Variants in ZNF234 observed in about 807,000 individuals in gnomAD.
ZNF234 encodes the protein zinc finger protein 234.
A neutral mutation model predicts 10.3 loss-of-function variants in ZNF234; 4 were observed. The observed-to-expected ratio is 0.39, with a 90% CI of 0.19 to 0.89. The LOEUF is 0.89. ZNF234 is among the 40% of genes least tolerant of loss of function. The pLI is 0.38. For synonymous variants in ZNF234, 258 were observed against 280.1 expected, an observed-to-expected ratio of 0.92 and a Z score of 0.79; for missense variants, 711 against 836.1, an observed-to-expected ratio of 0.85 and a Z score of 1.85.
At chr19:44,153,165 CATATATATATATATATAT>C (rs10528022) in intron 5 of ZNF234, among the ~76,000 whole-genome samples, 4 of 97,890 alleles carry the variant, frequency 4.1e-5, no homozygotes, top group Non-Finnish European at 7.9e-5. Flanking sequence ...ATGTATTCAT[CATATATATATATATATAT>C]ATATATATGC....
Position 44,158,119 on chromosome 19 carries a change from ATT to A in ZNF234, c.*1_*2del. On this transcript the variant is annotated 3_prime_UTR_variant, in exon 6 of 6. Transcript: ENST00000426739. ...CAGAGGGAGGAAGTTCTACAAGGTG[ATT>A]AAAAAAAAAAAAACAGAACTCATGT... is the stretch of plus-strand genomic sequence containing the variant. The A allele has an allele frequency of 6.8e-7, 1 of 1,480,496 alleles. No homozygotes were observed. Among genetic ancestry groups the A allele is most frequent in the African/African-American group, 2.6e-5 (1 of 38,852 alleles). 91.7% of individuals were successfully genotyped at this position (1,480,496 alleles called of 1,614,324 possible). A position where few individuals can be genotyped will look rare whatever the true frequency, so the allele number is the denominator to read the frequency against.
chr19:44,143,869 G>T (rs1411445582), intron 2 of ZNF234, among the ~76,000 whole-genome samples: 1 of 152,042 alleles, frequency 6.6e-6, no homozygotes, highest in African/African-American at 2.4e-5. Flanking sequence ...TTGTTAGTGG[G>T]CAACATACTG....
chr19:44,157,283 A>C lies in ZNF234; in HGVS notation c.1267A>C (p.Thr423Pro). Residue 423 changes from threonine (T) to proline (P), a missense_variant, in exon 6 of 6, where the codon ACA becomes CCA. Thr to Pro is a conservative substitution (Grantham distance 38). Transcript: ENST00000426739. ...IHYQVHLVVH[T>P]GEKPYKCEVC... ...TTATCAAGTGCATCTGGTAGTCCAC[A>C]CAGGGGAAAAACCCTATAAATGTGA... The C allele has an allele frequency of 6.2e-7, 1 of 1,614,128 alleles. No individual in the cohort carries two copies. Among genetic ancestry groups the C allele is most frequent in the Non-Finnish European group, 8.5e-7 (1 of 1,179,966 alleles).
rs1305868001 is a variant in ZNF234, at chr19:44,157,570, G to C, written c.1554G>C (p.Gly518=). Residue 518 remains glycine (G), a synonymous_variant, in exon 6 of 6, where the codon GGG becomes GGC. Transcript: ENST00000426739. ...AACCATATAATTGTGAGGAGTGTGG[G>C]AAGGTCTTCAGTCAGGCCTCGCATC... ...GEKPYNCEEC[G]KVFSQASHLL... is the part of the protein sequence containing the mutation. 2 of 1,613,748 alleles carry C rather than the reference G, an allele frequency of 1.2e-6. No homozygotes were observed. The highest frequency in any genetic ancestry group is 3.3e-5 in the Admixed American group (2 of 59,970).
Position 44,152,676 on chromosome 19 carries a change from T to C in ZNF234, c.235+2171T>C, listed in dbSNP as rs566180225. Reference sequence around the variant, plus strand: ...ATTTTTGAATGAAGATTCTGATGTCTACTTCTGAGATAGCTCCCCCCACAA... The same window carrying C: ...ATTTTTGAATGAAGATTCTGATGTCCACTTCTGAGATAGCTCCCCCCACAA... On this transcript the variant is annotated intron_variant, in intron 5 of 5. Transcript: ENST00000426739. 1.1e-3 allele frequency among the ~76,000 whole-genome samples: 167 copies of C among 152,312 alleles called. 1 individual carries two copies. Among genetic ancestry groups the C allele is most frequent in the Admixed American group, 1.6e-3 (25 of 15,298 alleles).
intron 3 of ZNF234, among the ~76,000 whole-genome samples, chr19:44,145,313 TTA>T (rs1490039148): frequency 4.6e-5 from 7 of 152,242 alleles, no homozygotes; most frequent in Admixed American, 3.9e-4. Flanking sequence ...ACCCATTTAA[TTA>T]ATGTGCCTTT....
intron 2 of ZNF234, among the ~76,000 whole-genome samples, chr19:44,143,959 C>T (rs914398682): frequency 1.3e-4 from 20 of 152,274 alleles, no homozygotes; most frequent in Non-Finnish European, 1.0e-4. Flanking sequence ...GGACTCAGAA[C>T]GCAGTCTTGT....
At chr19:44,151,031 TAAA>T (rs56994246) in intron 5 of ZNF234, among the ~76,000 whole-genome samples, 44,383 of 145,330 alleles carry the variant, frequency 0.31, 6,609 homozygotes, top group East Asian at 0.42. Flanking sequence ...CACTCCATCT[TAAA>T]AAAAAAAAAA....
At chr19:44,149,039 A>G (rs1968670308) in intron 4 of ZNF234, 142 bp downstream of exon 4, 1 of 1,004,984 alleles carries the variant, frequency 1.0e-6, no homozygotes, top group Non-Finnish European at 1.4e-6. Flanking sequence ...TTAGTGAAAT[A>G]AAATGAGATA....
intron 2 of ZNF234, among the ~76,000 whole-genome samples, chr19:44,142,662 G>T (rs946460809): frequency 3.9e-5 from 6 of 152,146 alleles, no homozygotes; most frequent in African/African-American, 1.4e-4. Context: ...GGTGGGGAAA[G>T]TAAGTTAGAA....
Position 44,157,228 on chromosome 19 carries a change from G to T in ZNF234, c.1212G>T (p.Glu404Asp). ...GAGAGAAGCCATACAAATGCAATGA[G>T]TGTGGGAAGAGCTTCAGAATGAAAA... The part of the protein sequence containing the change: ...HTGEKPYKCN[E>D]CGKSFRMKIH... Residue 404 changes from glutamate (E) to aspartate (D), a missense_variant, in exon 6 of 6, where the codon GAG becomes GAT. Glu to Asp is a conservative substitution (Grantham distance 45, BLOSUM62 2). Transcript: ENST00000426739. The T allele has an allele frequency of 6.2e-7, 1 of 1,614,198 alleles. No individual in the cohort carries two copies. Among genetic ancestry groups the T allele is most frequent in the East Asian group, 2.2e-5 (1 of 44,880 alleles).
intron 2 of ZNF234, 25 bp from the exon 3 acceptor site, chr19:44,144,532 A>AT: frequency 8.9e-7 from 1 of 1,122,270 alleles, no homozygotes; most frequent in Admixed American, 2.7e-5. Flanking sequence ...CCACGCTTTC[A>AT]TGTCTCTTTT....
chr19:44,156,091 A>G (rs1487391260), intron 5 of ZNF234, among the ~76,000 whole-genome samples, 161 bp from the exon 6 acceptor site: 1 of 152,162 alleles, frequency 6.6e-6, no homozygotes, highest in African/African-American at 2.4e-5. Context: ...CTCTTGATTT[A>G]TCTAGGCATG....
intron 5 of ZNF234, among the ~76,000 whole-genome samples, chr19:44,152,616 A>C (rs144045227): frequency 6.6e-6 from 1 of 152,294 alleles, no homozygotes; most frequent in African/African-American, 2.4e-5. Flanking sequence ...GGAGGCTTCC[A>C]TCATATGGAA....
chr19:44,147,515 G>C (rs990984320), intron 3 of ZNF234, among the ~76,000 whole-genome samples: 1 of 152,118 alleles, frequency 6.6e-6, no homozygotes, highest in African/African-American at 2.4e-5. Flanking sequence ...TGGGATTACA[G>C]GTGTGAGCGA....
intron 3 of ZNF234, among the ~76,000 whole-genome samples, chr19:44,145,806 C>T (rs150648293): frequency 1.2e-3 from 186 of 152,294 alleles, no homozygotes; most frequent in African/African-American, 4.0e-3. Context: ...CTTTGTGCCT[C>T]GATCATACTT....
chr19:44,154,053 C>T (rs1301458449), intron 5 of ZNF234, among the ~76,000 whole-genome samples: 1 of 152,154 alleles, frequency 6.6e-6, no homozygotes, highest in African/African-American at 2.4e-5. Context: ...TAGACAAATT[C>T]AAGTTGCTAG....
chr19:44,152,624 G>C (rs1176188239), intron 5 of ZNF234, among the ~76,000 whole-genome samples: 4 of 152,146 alleles, frequency 2.6e-5, no homozygotes, highest in Non-Finnish European at 4.4e-5. Flanking sequence ...CCATCATATG[G>C]AACACATTCA....
chr19:44,159,209 G>C lies in ZNF234; in HGVS notation c.*1090G>C, dbSNP rs1407823463. The C allele has an allele frequency of 6.6e-6, 1 of 152,142 alleles. No homozygotes were observed. Among genetic ancestry groups the C allele is most frequent in the Non-Finnish European group, 1.5e-5 (1 of 68,068 alleles). The allele number at this position is 152,142 out of a possible 1,614,324, so 9.4% of individuals were successfully genotyped here. ...AATTTTATTTTTGAGACAGGACCTC[G>C]CTCTGTCACCGAGGCTGGAGTGCAG... On this transcript the variant is annotated 3_prime_UTR_variant, in exon 6 of 6. Transcript: ENST00000426739.
Sources: gnomAD v4.1 joint callset for allele counts (sites outside exome capture counted in the v4.1 genomes callset) on GRCh38, gnomAD v4.1.1 for gene constraint, MANE v1.5 for transcripts, NCBI Gene and HGNC (gene_info 2026-07-23, HGNC 2026-07-21) for gene names.